NBPF20: variants seen among roughly 807,000 people sequenced by gnomAD.
NBPF20 encodes NBPF family member NBPF20.
Under a neutral mutation model 68.1 loss-of-function variants are expected in NBPF20, and 90 were observed. The observed-to-expected ratio is 1.32, with a 90% CI of 1.11 to 1.58. The LOEUF (loss-of-function observed/expected upper bound fraction) is 1.58. Among genes scored for constraint, NBPF20 ranks in the 40% most tolerant of loss-of-function variants. The pLI, the probability that NBPF20 is intolerant of heterozygous loss-of-function variation, is 0.00. For synonymous variants in NBPF20, 290 were observed against 228.1 expected (o/e 1.27, Z -2.45); for missense variants, 816 against 601.2 (o/e 1.36, Z -3.74).
At chr1:145,422,980 CCTGT>C in the NBPF20 span, among the ~76,000 whole-genome samples, 2 of 135,742 alleles carry the variant, frequency 1.5e-5, no homozygotes, top group African/African-American at 5.7e-5. Context: ...AGAGTGAGGC[CCTGT>C]CTGAAAAAAA....
At chr1:145,403,111 G>A (rs1356920046) in intron 3 of NBPF20, 105 bp downstream of exon 8, 43 of 1,270,676 alleles carry the variant, frequency 3.4e-5, no homozygotes, top group Admixed American at 1.7e-4. Context: ...GGCAATTCCT[G>A]CCCTTCCCCT....
rs1387810986 is a variant in NBPF20, at chr1:145,295,245, C to A, written c.16191-291G>T. On this transcript the variant is annotated intron_variant, in intron 133 of 137. Coordinates refer to ENST00000369373, the Ensembl canonical transcript of NBPF20. ...ACTGATGAAGGGGTCAAAGGACACTCTGAGTTAGTGCCCTCGGGACACACA... is the reference window on the plus strand; with the variant it reads ...ACTGATGAAGGGGTCAAAGGACACTATGAGTTAGTGCCCTCGGGACACACA... 2 of 549,940 alleles carry A rather than the reference C, an allele frequency of 3.6e-6. 1 individual carries two copies. The highest frequency in any genetic ancestry group is 4.9e-5 in the African/African-American group (2 of 40,656). The allele number at this position is 549,940 out of a possible 1,614,324, so 34.1% of individuals were successfully genotyped here.
At chr1:145,399,773 T>A (rs1198936133) in intron 6 of NBPF20, among the ~76,000 whole-genome samples, 56 of 78,296 alleles carry the variant, frequency 7.2e-4, no homozygotes, top group Non-Finnish European at 1.1e-3. Flanking sequence ...CAAGACTCCA[T>A]CACAAAAAAA....
At chr1:145,403,170 G>T (rs1304722466) in intron 3 of NBPF20, 46 bp downstream of exon 8, 415 of 1,610,666 alleles carry the variant, frequency 2.6e-4, no homozygotes, top group Non-Finnish European at 3.3e-4. Flanking sequence ...GTATTTCAGA[G>T]ATTTACACAC....
At chr1:145,309,445 GAC>G (rs1302412073) in intron 115 of NBPF20, among the ~76,000 whole-genome samples, 197 bp from the exon 121 acceptor site, 646 of 44,170 alleles carry the variant, frequency 0.015, 44 homozygotes, top group African/African-American at 0.018. Context: ...AAGACAGATA[GAC>G]ACACACACAC....
exon 6 of NBPF20, chr1:145,400,451 T>C (rs1662467245): frequency 6.2e-7 from 1 of 1,612,888 alleles, no homozygotes; most frequent in African/African-American, 1.3e-5. Context: ...CAGAGTTGAG[T>C]CGACTTTGTC....
chr1:145,395,942 TCTC>T (rs1435374561), intron 7 of NBPF20, among the ~76,000 whole-genome samples: 1 of 142,402 alleles, frequency 7.0e-6, no homozygotes, highest in Admixed American at 6.9e-5. Context: ...TGACATCCCT[TCTC>T]CTCCAAAGGA....
intron 137 of NBPF20, 135 bp from the exon 143 acceptor site, chr1:145,291,904 A>G: frequency 6.5e-7 from 1 of 1,547,392 alleles, no homozygotes; most frequent in Non-Finnish European, 8.7e-7. Context: ...TAAAAAAAAA[A>G]TTTATTGCCT....
At chr1:145,421,879 A>C in the NBPF20 span, among the ~76,000 whole-genome samples, 1 of 151,960 alleles carries the variant, frequency 6.6e-6, no homozygotes, top group Non-Finnish European at 1.5e-5. Context: ...TGTCTACAAA[A>C]AATAGAAAAT....
the NBPF20 span, among the ~76,000 whole-genome samples, chr1:145,422,154 T>C: frequency 6.6e-6 from 1 of 151,132 alleles, no homozygotes; most frequent in East Asian, 1.9e-4. Flanking sequence ...GTACGATCCA[T>C]AAAGTTTTCC....
At chr1:145,405,576 A>G (rs1172240739), upstream of NBPF20, 44 of 892,412 alleles carry the variant, frequency 4.9e-5, no homozygotes, top group Non-Finnish European at 6.7e-5. Context: ...TGCAGTTGCA[A>G]TAACAGAATT....
intron 113 of NBPF20, among the ~76,000 whole-genome samples, 199 bp from the exon 119 acceptor site, chr1:145,311,029 G>T (rs1445377726): frequency 1.2e-5 from 1 of 85,734 alleles, no homozygotes; most frequent in Non-Finnish European, 2.2e-5. Flanking sequence ...ACAGGGAGAG[G>T]GAGGGAGAGA....
intron 9 of NBPF20, 127 bp from the exon 15 acceptor site, chr1:145,393,373 A>G (rs1366583980): frequency 2.2e-5 from 16 of 712,420 alleles, no homozygotes; most frequent in Non-Finnish European, 3.9e-5. Flanking sequence ...TAATGAGGTA[A>G]GAAATTATTG....
chr1:145,311,844 T>A (rs1275122925), intron 112 of NBPF20, among the ~76,000 whole-genome samples: 2 of 109,226 alleles, frequency 1.8e-5, no homozygotes, highest in Non-Finnish European at 3.7e-5. Flanking sequence ...ATACTCAGAT[T>A]GTTCACGGTA....
chr1:145,424,129 C>T, the NBPF20 span, among the ~76,000 whole-genome samples: 1 of 147,226 alleles, frequency 6.8e-6, no homozygotes, highest in Non-Finnish European at 1.5e-5. Flanking sequence ...GCACACACCA[C>T]CACACACAGC....
chr1:145,306,280 C>CACAG (rs1571347606), intron 119 of NBPF20, among the ~76,000 whole-genome samples: 1 of 148,848 alleles, frequency 6.7e-6, no homozygotes, highest in East Asian at 2.0e-4. Flanking sequence ...CACACACACA[C>CACAG]ACACACACAC....
At chr1:145,419,704 T>G in the NBPF20 span, among the ~76,000 whole-genome samples, 1 of 152,088 alleles carries the variant, frequency 6.6e-6, no homozygotes, top group East Asian at 1.9e-4. Flanking sequence ...AAACAGGCCA[T>G]GCCCCTTTCT....
chr1:145,291,717 G>C (rs1456246094), exon 138 of NBPF20: 10 of 1,611,854 alleles, frequency 6.2e-6, no homozygotes, highest in Admixed American at 5.0e-5. Context: ...CATCCATCCA[G>C]TGAGTCCTGT....
chr1:145,425,458 C>G, the NBPF20 span, among the ~76,000 whole-genome samples: 3 of 152,202 alleles, frequency 2.0e-5, no homozygotes, highest in African/African-American at 7.2e-5. Context: ...TCGCCCGTCC[C>G]GCGTTCCCAA....
Sources: allele counts gnomAD v4.1 joint callset (sites outside exome capture counted in the v4.1 genomes callset), GRCh38; gene constraint gnomAD v4.1.1; transcripts MANE v1.5; gene names NCBI Gene and HGNC (gene_info 2026-07-23, HGNC 2026-07-21).